Variants in STXBP5 observed in about 807,000 individuals in gnomAD.
STXBP5 encodes the protein syntaxin-binding protein 5.
In STXBP5, 50 loss-of-function variants were observed where a neutral mutation model predicts 152.4. The ratio of observed to expected loss-of-function variants is 0.33; its 90% CI spans 0.26 to 0.42. The LOEUF (loss-of-function observed/expected upper bound fraction) is 0.42. Among genes scored for constraint, STXBP5 ranks in the 10% least tolerant of loss-of-function variants. STXBP5 has a pLI of 1.00. For missense variants in STXBP5, 1,167 were observed against 1,388.6 expected, an observed-to-expected ratio of 0.84 and a Z score of 2.54; for synonymous variants, 492 against 494.7, an observed-to-expected ratio of 0.99 and a Z score of 0.07.
chr6:147,297,158 CAT>C (rs1022429078), intron 9 of STXBP5, among the ~76,000 whole-genome samples: 1 of 152,076 alleles, frequency 6.6e-6, no homozygotes, highest in East Asian at 1.9e-4. Context: ...CTCTCCAAGA[CAT>C]ATTATAATCA....
chr6:147,210,144 A>G (rs1776773530), intron 2 of STXBP5, among the ~76,000 whole-genome samples: 1 of 152,216 alleles, frequency 6.6e-6, no homozygotes, highest in African/African-American at 2.4e-5. Context: ...CAGGGGTGGC[A>G]GAATGGGAAT....
intron 2 of STXBP5, among the ~76,000 whole-genome samples, chr6:147,208,721 T>C (rs1776697379): frequency 6.6e-6 from 1 of 152,136 alleles, no homozygotes; most frequent in Non-Finnish European, 1.5e-5. Flanking sequence ...CAAATGTGTA[T>C]GTAATTTGAC....
chr6:147,363,267 G>A, intron 23 of STXBP5, 68 bp from the exon 24 acceptor site: 1 of 1,441,768 alleles, frequency 6.9e-7, no homozygotes, highest in South Asian at 1.4e-5. Flanking sequence ...GTATGTCAAA[G>A]TTAGAATAAA....
chr6:147,353,634 A>G (rs1412038464), intron 22 of STXBP5, among the ~76,000 whole-genome samples: 1 of 152,172 alleles, frequency 6.6e-6, no homozygotes, highest in Non-Finnish European at 1.5e-5. Flanking sequence ...AACTTAGCAT[A>G]AGATTGAATT....
chr6:147,213,436 G>A (rs928189331), intron 2 of STXBP5, among the ~76,000 whole-genome samples: 121 of 33,386 alleles, frequency 3.6e-3, no homozygotes, highest in Middle Eastern at 0.015. Context: ...TTTTATATAT[G>A]TGTGTGTGTG....
At chr6:147,208,038 CA>C (rs1315468590) in intron 2 of STXBP5, among the ~76,000 whole-genome samples, 1 of 152,032 alleles carries the variant, frequency 6.6e-6, no homozygotes, top group Non-Finnish European at 1.5e-5. Context: ...ATCAGGTGGC[CA>C]AAATTGTCAC....
At chr6:147,226,117 G>A (rs976665169) in intron 2 of STXBP5, among the ~76,000 whole-genome samples, 7 of 151,922 alleles carry the variant, frequency 4.6e-5, no homozygotes, top group African/African-American at 1.7e-4. Flanking sequence ...GAAACATAGC[G>A]AGACCTTGGC....
intron 18 of STXBP5, among the ~76,000 whole-genome samples, chr6:147,332,377 G>A (rs1484997128): frequency 6.6e-6 from 1 of 152,214 alleles, no homozygotes; most frequent in African/African-American, 2.4e-5. Context: ...AGGAGGATTT[G>A]AAATATCAAT....
intron 18 of STXBP5, among the ~76,000 whole-genome samples, 186 bp downstream of exon 18, chr6:147,327,462 T>A (rs914982462): frequency 6.6e-6 from 1 of 152,200 alleles, no homozygotes; most frequent in Non-Finnish European, 1.5e-5. Flanking sequence ...TTTTGCTTTT[T>A]TTTTGAGACA....
chr6:147,242,268 T>C (rs1284438625), intron 4 of STXBP5, among the ~76,000 whole-genome samples: 3 of 152,068 alleles, frequency 2.0e-5, no homozygotes, highest in Non-Finnish European at 4.4e-5. Context: ...TTATATAGTT[T>C]TACATTGTGT....
At chr6:147,308,978 A>ATAT (rs1782235571) in intron 9 of STXBP5, among the ~76,000 whole-genome samples, 1 of 152,302 alleles carries the variant, frequency 6.6e-6, no homozygotes, top group African/African-American at 2.4e-5. Flanking sequence ...CTGAGATTAG[A>ATAT]TACTTATCAC....
At chr6:147,215,281 T>TAA (rs1308818664) in intron 2 of STXBP5, among the ~76,000 whole-genome samples, 1 of 152,256 alleles carries the variant, frequency 6.6e-6, no homozygotes, top group African/African-American at 2.4e-5. Flanking sequence ...CAGTAAGAAA[T>TAA]ACATTTTTAA....
At chr6:147,356,609 A>G (rs1784825799) in intron 22 of STXBP5, among the ~76,000 whole-genome samples, 1 of 152,006 alleles carries the variant, frequency 6.6e-6, no homozygotes. Flanking sequence ...TTTAGAAACT[A>G]CAGTTTAAAA....
At chr6:147,290,966 T>TTG (rs1250163313) in intron 8 of STXBP5, 128 bp from the exon 9 acceptor site, 2 of 644,602 alleles carry the variant, frequency 3.1e-6, no homozygotes, top group Non-Finnish European at 4.9e-6. Context: ...TAAATGCCTC[T>TTG]TTCAGAATCA....
intron 16 of STXBP5, among the ~76,000 whole-genome samples, chr6:147,319,828 CTTTT>C (rs55948948): frequency 5.7e-4 from 41 of 71,608 alleles, no homozygotes; most frequent in Admixed American, 1.2e-3. Flanking sequence ...TATCTGGATT[CTTTT>C]TTTTTTTTTT....
At chr6:147,349,351 A>G (rs904002167) in intron 21 of STXBP5, among the ~76,000 whole-genome samples, 3 of 152,198 alleles carry the variant, frequency 2.0e-5, no homozygotes, top group Non-Finnish European at 2.9e-5. Context: ...TTGATTAGGA[A>G]GAAGCATGCA....
chr6:147,272,327 C>G (rs1442237499), intron 7 of STXBP5, among the ~76,000 whole-genome samples: 2 of 152,172 alleles, frequency 1.3e-5, no homozygotes, highest in African/African-American at 4.8e-5. Context: ...TTGGTGAACA[C>G]AGATGCCTAA....
chr6:147,295,785 C>T (rs1383338064), intron 9 of STXBP5, among the ~76,000 whole-genome samples: 1 of 152,184 alleles, frequency 6.6e-6, no homozygotes, highest in African/African-American at 2.4e-5. Context: ...AAGGAATTTC[C>T]ATGAAGCTGC....
At chr6:147,379,668 TAAAAGGCATGC>T (rs1785981856) in intron 26 of STXBP5, among the ~76,000 whole-genome samples, 1 of 152,020 alleles carries the variant, frequency 6.6e-6, no homozygotes, top group Non-Finnish European at 1.5e-5. Flanking sequence ...GAAAAGCAAG[TAAAAGGCATGC>T]AAATTGGAAT....
Sources: allele counts gnomAD v4.1 joint callset (sites outside exome capture counted in the v4.1 genomes callset), GRCh38; gene constraint gnomAD v4.1.1; transcripts MANE v1.5; gene names NCBI Gene and HGNC (gene_info 2026-07-23, HGNC 2026-07-21).